Variants in LINGO2 observed in about 807,000 individuals in gnomAD.
LINGO2 encodes leucine rich repeat and Ig domain containing 2.
A neutral mutation model predicts 30.6 loss-of-function variants in LINGO2; 14 were observed. That is an observed-to-expected ratio of 0.46 (90% CI 0.30 to 0.72). The LOEUF (loss-of-function observed/expected upper bound fraction) is 0.72. LINGO2 is among the 30% of genes least tolerant of loss of function. The pLI is 0.07. For missense variants in LINGO2, 729 were observed against 751.7 expected, an observed-to-expected ratio of 0.97 and a Z score of 0.35; for synonymous variants, 317 against 288.5, an observed-to-expected ratio of 1.10 and a Z score of -1.00.
At chr9:28,212,673 T>C (rs1046895131) in intron 4 of LINGO2, among the ~76,000 whole-genome samples, 1 of 151,390 alleles carries the variant, frequency 6.6e-6, no homozygotes, top group Non-Finnish European at 1.5e-5. Context: ...CTTCCAGTTA[T>C]AAGTAGCTAC....
chr9:28,144,060 G>A (rs756036178), intron 4 of LINGO2, among the ~76,000 whole-genome samples: 7 of 152,070 alleles, frequency 4.6e-5, no homozygotes, highest in African/African-American at 1.2e-4. Context: ...AGGTAGGTAC[G>A]TAGGCAGACA....
At chr9:28,555,691 C>T (rs1328807338) in intron 1 of LINGO2, among the ~76,000 whole-genome samples, 1 of 151,940 alleles carries the variant, frequency 6.6e-6, no homozygotes, top group Non-Finnish European at 1.5e-5. Context: ...CGAGACACAA[C>T]CAAAAAAGCG....
intron 4 of LINGO2, among the ~76,000 whole-genome samples, chr9:28,285,847 G>A (rs1823488585): frequency 6.6e-6 from 1 of 152,112 alleles, no homozygotes; most frequent in Admixed American, 6.6e-5. Context: ...TGCTGGGATG[G>A]CAGCATTCTA....
chr9:28,001,144 T>C (rs1414883681), intron 5 of LINGO2, among the ~76,000 whole-genome samples: 3 of 152,236 alleles, frequency 2.0e-5, no homozygotes, highest in Non-Finnish European at 2.9e-5. Flanking sequence ...AACAAATTTT[T>C]TTTTAACTAT....
At chr9:28,892,250 C>A in the LINGO2 span, among the ~76,000 whole-genome samples, 2 of 151,922 alleles carry the variant, frequency 1.3e-5, no homozygotes, top group African/African-American at 4.8e-5. Flanking sequence ...AGGTCAAGTT[C>A]TCAAGTTTGA....
At chr9:28,187,935 T>G (rs1399852598) in intron 4 of LINGO2, among the ~76,000 whole-genome samples, 7 of 152,220 alleles carry the variant, frequency 4.6e-5, no homozygotes, top group Admixed American at 4.6e-4. Flanking sequence ...AATTCCAAAC[T>G]ATGATTTGCT....
chr9:29,122,772 G>A, the LINGO2 span, among the ~76,000 whole-genome samples: 1 of 152,168 alleles, frequency 6.6e-6, no homozygotes, highest in African/African-American at 2.4e-5. Context: ...ATTCATCTCT[G>A]TCCATATACT....
chr9:28,733,886 G>A, the LINGO2 span, among the ~76,000 whole-genome samples: 1 of 151,730 alleles, frequency 6.6e-6, no homozygotes, highest in Non-Finnish European at 1.5e-5. Flanking sequence ...TGGCGATTTT[G>A]CCCTAAGTAC....
the LINGO2 span, among the ~76,000 whole-genome samples, chr9:28,991,209 G>A: frequency 1.9e-4 from 29 of 152,106 alleles, no homozygotes; most frequent in Middle Eastern, 3.4e-3. Context: ...CGAGAACTAC[G>A]TGAAGAATGC....
chr9:28,932,526 A>G, the LINGO2 span, among the ~76,000 whole-genome samples: 1 of 152,208 alleles, frequency 6.6e-6, no homozygotes, highest in Non-Finnish European at 1.5e-5. Context: ...AACGTCTTAC[A>G]TATACTCAGA....
chr9:28,724,718 G>C, the LINGO2 span, among the ~76,000 whole-genome samples: 10 of 152,108 alleles, frequency 6.6e-5, no homozygotes, highest in African/African-American at 2.4e-4. Context: ...GTTTGGGAGG[G>C]AAAAGCCCAC....
chr9:28,074,052 C>A (rs1825556455), intron 4 of LINGO2, among the ~76,000 whole-genome samples: 2 of 152,102 alleles, frequency 1.3e-5, no homozygotes, highest in Admixed American at 6.6e-5. Flanking sequence ...CACATTCTTT[C>A]CTGGAAGCAT....
In LINGO2 at chr9:28,479,956, T is replaced by TATATATATAC. The variant is rs1491144467; in HGVS notation, c.-364-3932_-364-3931insGTATATATAT. Among the ~76,000 whole-genome samples the TATATATATAC allele has an allele frequency of 6.7e-5, 7 of 105,022 alleles. 1 individual carries two copies. Among genetic ancestry groups the TATATATATAC allele is most frequent in the East Asian group, 5.9e-4 (2 of 3,398 alleles). The allele number at this position is 105,022 out of a possible 152,430, so 68.9% of individuals were successfully genotyped here. A position where few individuals can be genotyped will look rare whatever the true frequency, so the allele number is the denominator to read the frequency against. On this transcript the variant is annotated intron_variant, in intron 1 of 5. Transcript: ENST00000379992. ...ATATATATATATATATATATATATATGTACATTTTGAGAGAAACTTAAATA... is the reference window on the plus strand; with the variant it reads ...ATATATATATATATATATATATATATATATATATACGTACATTTTGAGAGAAACTTAAATA...
chr9:28,479,956 T>C (rs10968611), intron 1 of LINGO2, among the ~76,000 whole-genome samples: 15,491 of 104,482 alleles, frequency 0.15, 1,790 homozygotes, highest in African/African-American at 0.31. Flanking sequence ...TATATATATA[T>C]GTACATTTTG....
At chr9:27,987,362 A>G (rs1821174305) in intron 5 of LINGO2, among the ~76,000 whole-genome samples, 1 of 151,322 alleles carries the variant, frequency 6.6e-6, no homozygotes, top group South Asian at 2.1e-4. Flanking sequence ...TATGTTACCT[A>G]GGCTGGGCTC....
intron 1 of LINGO2, among the ~76,000 whole-genome samples, chr9:28,620,527 C>G (rs1359488895): frequency 6.6e-6 from 1 of 151,902 alleles, no homozygotes; most frequent in East Asian, 1.9e-4. Flanking sequence ...CTAAAGAGGA[C>G]CTAAGGAAGC....
At chr9:27,997,474 C>G (rs558332504) in intron 5 of LINGO2, among the ~76,000 whole-genome samples, 8 of 152,306 alleles carry the variant, frequency 5.3e-5, no homozygotes, top group African/African-American at 9.6e-5. Flanking sequence ...CTGTGTGACC[C>G]TGGACAGATC....
At chr9:28,357,592 A>G (rs1820271710) in intron 3 of LINGO2, among the ~76,000 whole-genome samples, 1 of 152,114 alleles carries the variant, frequency 6.6e-6, no homozygotes, top group South Asian at 2.1e-4. Context: ...ATTGGGGTAT[A>G]GATAGTCTAT....
chr9:28,858,634 C>T, the LINGO2 span, among the ~76,000 whole-genome samples: 1 of 151,954 alleles, frequency 6.6e-6, no homozygotes, highest in Non-Finnish European at 1.5e-5. Flanking sequence ...ATAATGGTTA[C>T]TTCAGAGTCA....
Sources: gnomAD v4.1 joint callset for allele counts (sites outside exome capture counted in the v4.1 genomes callset) on GRCh38, gnomAD v4.1.1 for gene constraint, MANE v1.5 for transcripts, NCBI Gene and HGNC (gene_info 2026-07-23, HGNC 2026-07-21) for gene names.